Variants in PCDHGB6 observed in about 807,000 individuals in gnomAD.
The protein encoded by PCDHGB6 is protocadherin gamma subfamily B, 6.
Under a neutral mutation model 59.1 loss-of-function variants are expected in PCDHGB6, and 51 were observed. The ratio of observed to expected loss-of-function variants is 0.86; its 90% CI spans 0.69 to 1.09. The LOEUF (loss-of-function observed/expected upper bound fraction) is 1.09, where lower values mean the gene tolerates loss of function less well. PCDHGB6 is among the 50% of genes least tolerant of loss of function. PCDHGB6 has a pLI of 0.00. For missense variants in PCDHGB6, 1,148 were observed against 1,205.1 expected (o/e 0.95, Z 0.70); for synonymous variants, 466 against 495.1 (o/e 0.94, Z 0.78).
chr5:141,409,409 A>C lies in PCDHGB6; in HGVS notation c.1207A>C (p.Lys403Gln). ...TTATTCTTCTTCCAATAACTACTACAAACTGGTGACAGATGGAGCCCTGGA... is the reference window on the plus strand; with the variant it reads ...TTATTCTTCTTCCAATAACTACTACCAACTGGTGACAGATGGAGCCCTGGA... ...KIYSSSNNYY[K>Q]LVTDGALDRE... The change falls in exon 1 of 4, where the codon AAA (lysine) becomes CAA (glutamine). Residue 403 changes from lysine (K) to glutamine (Q), a missense_variant. Coordinates refer to ENST00000520790, the MANE Select transcript of PCDHGB6 (RefSeq NM_018926.3). 4 of 1,614,046 alleles carry C rather than the reference A, an allele frequency of 2.5e-6. No individual in the cohort carries two copies. Among genetic ancestry groups the C allele is most frequent in the Non-Finnish European group, 3.4e-6 (4 of 1,179,904 alleles).
intron 1 of PCDHGB6, chr5:141,413,757 G>C (rs2095674818): frequency 1.2e-6 from 2 of 1,612,920 alleles, no homozygotes; most frequent in African/African-American, 2.7e-5. Flanking sequence ...ATGGCGTCAA[G>C]TACCCGGAGC....
At chr5:141,464,156 T>C (rs2099077051) in intron 1 of PCDHGB6, among the ~76,000 whole-genome samples, 2 of 151,752 alleles carry the variant, frequency 1.3e-5, no homozygotes, top group Non-Finnish European at 1.5e-5. Context: ...TCCCAGCTAC[T>C]TGGAAGGCTG....
intron 1 of PCDHGB6, chr5:141,426,987 G>C (rs867397302): frequency 1.3e-5 from 6 of 456,602 alleles, no homozygotes; most frequent in African/African-American, 1.2e-4. Context: ...TGATGCCAAC[G>C]ATAATGCCCC....
chr5:141,446,353 T>C (rs1278613929), intron 1 of PCDHGB6, among the ~76,000 whole-genome samples: 2 of 152,176 alleles, frequency 1.3e-5, no homozygotes, highest in Non-Finnish European at 2.9e-5. Flanking sequence ...AAGCTACCAT[T>C]TGATGAGAAT....
chr5:141,481,691 C>G (rs929210528), intron 1 of PCDHGB6, among the ~76,000 whole-genome samples: 3 of 152,080 alleles, frequency 2.0e-5, no homozygotes, highest in African/African-American at 4.8e-5. Context: ...TGGTGGCTCA[C>G]GCCTGTAATC....
chr5:141,458,059 T>A (rs533147047), intron 1 of PCDHGB6, among the ~76,000 whole-genome samples: 1 of 152,238 alleles, frequency 6.6e-6, no homozygotes, highest in Admixed American at 6.5e-5. Flanking sequence ...CTTGCTGCAC[T>A]GATGCGAACA....
chr5:141,447,168 T>C (rs1027377060), intron 1 of PCDHGB6, among the ~76,000 whole-genome samples: 2 of 152,174 alleles, frequency 1.3e-5, no homozygotes, highest in Non-Finnish European at 2.9e-5. Context: ...AAGCGGGGTC[T>C]TGCTCTTGTC....
At chr5:141,435,362 C>A (rs2097758711) in intron 1 of PCDHGB6, among the ~76,000 whole-genome samples, 1 of 152,120 alleles carries the variant, frequency 6.6e-6, no homozygotes, top group Admixed American at 6.6e-5. Flanking sequence ...AAAATTTTAT[C>A]ACTTAAATAT....
intron 1 of PCDHGB6, among the ~76,000 whole-genome samples, chr5:141,438,498 CAT>C (rs2097963931): frequency 6.7e-6 from 1 of 149,704 alleles, no homozygotes; most frequent in African/African-American, 2.5e-5. Context: ...AAAAAAGAAT[CAT>C]AGTGCAAAAC....
In PCDHGB6 at chr5:141,487,161, T is replaced by G; in HGVS notation, c.2419-7646T>G. ...CTCTCTACCTCTGTTACTCTCTTAGTGTCCTTAGAGGAAGACACTCATCCA... is the reference window on the plus strand; with the variant it reads ...CTCTCTACCTCTGTTACTCTCTTAGGGTCCTTAGAGGAAGACACTCATCCA... On this transcript the variant is annotated intron_variant, in intron 1 of 3. Transcript: ENST00000520790. The surrounding 1 kb of genome is among the most constrained non-coding windows in gnomAD (Gnocchi z 5.0). The G allele has an allele frequency of 6.2e-7, 1 of 1,613,528 alleles. No individual in the cohort carries two copies. The highest frequency in any genetic ancestry group is 1.1e-5 in the South Asian group (1 of 91,072).
rs774992336 is a variant in PCDHGB6, at chr5:141,409,845, T to G, written c.1643T>G (p.Leu548Arg). The G allele has an allele frequency of 7.4e-6, 12 of 1,611,748 alleles. No homozygotes were observed. In the African/African-American group the frequency reaches 1.6e-4, roughly 22 times the overall value. The change falls in exon 1 of 4, where the codon CTG (leucine) becomes CGG (arginine). Residue 548 changes from leucine (L) to arginine (R), a missense_variant. Physicochemically the swap from Leu to Arg is moderately radical, Grantham distance 102. This residue lies in a region of PCDHGB6 where 549 missense variants were observed against 527.5 expected (regional missense o/e 1.04). Coordinates refer to ENST00000520790, the MANE Select transcript of PCDHGB6 (RefSeq NM_018926.3). ...CCCACGCTCAGCGCCAACGTGAGCCTGCGCGTGTTGGTGGGAGACCGCAAT... is the reference window on the plus strand; with the variant it reads ...CCCACGCTCAGCGCCAACGTGAGCCGGCGCGTGTTGGTGGGAGACCGCAAT... ...GSPTLSANVS[L>R]RVLVGDRNDN...
chr5:141,468,677 T>A (rs545029270), intron 1 of PCDHGB6: 1 of 150,902 alleles, frequency 6.6e-6, no homozygotes, highest in African/African-American at 2.4e-5. Flanking sequence ...CCATCCTGGC[T>A]AACACGGTGA....
chr5:141,488,497 C>T (rs1054409265), intron 1 of PCDHGB6, among the ~76,000 whole-genome samples: 3 of 152,204 alleles, frequency 2.0e-5, no homozygotes, highest in South Asian at 2.1e-4. Flanking sequence ...CTGTAACACT[C>T]ATTCCACATT....
chr5:141,490,576 G>T lies in PCDHGB6; in HGVS notation c.2419-4231G>T. On this transcript the variant is annotated intron_variant, in intron 1 of 3. Transcript: ENST00000520790. The surrounding 1 kb of genome is among the most constrained non-coding windows in gnomAD (Gnocchi z 5.4). ...TCTCACCATCAGGCTCAACATTTCA[G>T]ATGTCAATGACAATGCACCCCGCTT... 2.5e-6 allele frequency: 4 copies of T among 1,614,134 alleles called. No homozygotes were observed. The highest frequency in any genetic ancestry group is 3.4e-6 in the Non-Finnish European group (4 of 1,180,030).
At chr5:141,460,733 C>T (rs988651750) in intron 1 of PCDHGB6, among the ~76,000 whole-genome samples, 2 of 150,844 alleles carry the variant, frequency 1.3e-5, no homozygotes, top group Non-Finnish European at 3.0e-5. Context: ...CATATATACA[C>T]ATTGTATATA....
At chr5:141,425,392 A>G (rs2096872216) in intron 1 of PCDHGB6, among the ~76,000 whole-genome samples, 1 of 152,232 alleles carries the variant, frequency 6.6e-6, no homozygotes, top group African/African-American at 2.4e-5. Flanking sequence ...GGTAGTGATA[A>G]AGTTCTGTTA....
chr5:141,490,775 A>G lies in PCDHGB6; in HGVS notation c.2419-4032A>G. 6 of 1,614,110 alleles carry G rather than the reference A, an allele frequency of 3.7e-6. No homozygotes were observed. Among genetic ancestry groups the G allele is most frequent in the Non-Finnish European group, 5.1e-6 (6 of 1,179,964 alleles). On this transcript the variant is annotated intron_variant, in intron 1 of 3. Transcript: ENST00000520790. The surrounding 1 kb of genome is among the most constrained non-coding windows in gnomAD (Gnocchi z 5.4). ...TCCTCCTTTGTGTATGTCAACCCAG[A>G]GGATGGACGGATCTTTGCCCAGCGT...
Position 141,409,940 on chromosome 5 carries a change from C to T in PCDHGB6, c.1738C>T (p.Arg580Cys), listed in dbSNP as rs1368587420. The change falls in exon 1 of 4, where the codon CGC becomes TGC. Residue 580 changes from arginine (R) to cysteine (C), a missense_variant. By Grantham distance (180) the Arg-to-Cys change is radical. This residue lies in a region of PCDHGB6 where 549 missense variants were observed against 527.5 expected (regional missense o/e 1.04). Coordinates refer to ENST00000520790, the MANE Select transcript of PCDHGB6 (RefSeq NM_018926.3). ...CTCCGCGTTCTTCGATATGGTACCTCGCTCTGCAGAGCCCGGCTACCTAGT... is the reference window on the plus strand; with the variant it reads ...CTCCGCGTTCTTCGATATGGTACCTTGCTCTGCAGAGCCCGGCTACCTAGT... ...DGSAFFDMVP[R>C]SAEPGYLVTK... The T allele has an allele frequency of 1.2e-5, 19 of 1,613,118 alleles. No homozygotes were observed. Among genetic ancestry groups the T allele is most frequent in the Non-Finnish European group, 1.6e-5 (19 of 1,179,724 alleles).
At chr5:141,460,453 A>G (rs1487816393) in intron 1 of PCDHGB6, among the ~76,000 whole-genome samples, 1 of 152,152 alleles carries the variant, frequency 6.6e-6, no homozygotes, top group Non-Finnish European at 1.5e-5. Flanking sequence ...ATGAAGATTC[A>G]TATTTTTTTC....
Sources: allele counts gnomAD v4.1 joint callset (sites outside exome capture counted in the v4.1 genomes callset), GRCh38; gene constraint gnomAD v4.1.1; regional missense constraint gnomAD v4.1.1; non-coding constraint Gnocchi (gnomAD v3.1); transcripts MANE v1.5; gene names NCBI Gene and HGNC (gene_info 2026-07-23, HGNC 2026-07-21).